The following CTAG2 variants were observed in gnomAD, a reference collection of about 807,000 sequenced individuals.
The protein encoded by CTAG2 is cancer/testis antigen 2, also known as CTL-recognized antigen on melanoma.
CTAG2 carries 5 observed loss-of-function variants against 5.7 expected under a neutral mutation model. That is an observed-to-expected ratio of 0.88 (90% CI 0.46 to 1.85). CTAG2 has a LOEUF of 1.85. Ranked by LOEUF, CTAG2 falls within the 40% of genes most tolerant of loss-of-function variation. CTAG2 has a pLI of 0.01. For synonymous variants in CTAG2, 63 were observed against 80.9 expected (o/e 0.78, Z 1.19); for missense variants, 151 against 169.9 (o/e 0.89, Z 0.62).
At position 154,652,548 on chromosome X, in the gene CTAG2, C is replaced by G; in HGVS notation, c.353G>C (p.Arg118Pro). Reference protein sequence around the residue: ...ILSRDAAPLPRPGAVLKDFTV... With the variant: ...ILSRDAAPLPPPGAVLKDFTV... ...GAAGTCCTTCAGAACCGCCCCTGGT[C>G]GGGGGAGCGGTGCGGCATCCCGGGA... The change falls in exon 2 of 3, where the codon CGA becomes CCA. Residue 118 changes from arginine (R) to proline (P), a missense_variant. Coordinates refer to ENST00000369585, the MANE Select transcript of CTAG2 (RefSeq NM_172377.5). The G allele has an allele frequency of 3.3e-6, 4 of 1,210,699 alleles. No homozygotes were observed. The highest frequency in any genetic ancestry group is 4.5e-6 in the Non-Finnish European group (4 of 894,954).
rs1218313982 is a variant in CTAG2, at chrX:154,651,993, T to C, written c.*136A>G. The C allele has an allele frequency of 1.4e-5, 15 of 1,086,131 alleles. No homozygotes were observed. The highest frequency in any genetic ancestry group is 1.8e-5 in the Non-Finnish European group (15 of 822,112). The allele number at this position is 1,086,131 out of a possible 1,213,427, so 89.5% of individuals were successfully genotyped here. Reference sequence around the variant, plus strand: ...GACACGGAATCGTAGCTCAGCTTTATTTTCTACAGAAACAAACATGTAAGC... The same window carrying C: ...GACACGGAATCGTAGCTCAGCTTTACTTTCTACAGAAACAAACATGTAAGC... On this transcript the variant is annotated 3_prime_UTR_variant, in exon 3 of 3. Transcript: ENST00000369585.
chrX:154,652,342 G>A (rs1557241365), intron 2 of CTAG2, 75 bp from the exon 3 acceptor site: 1 of 1,211,129 alleles, frequency 8.3e-7, no homozygotes, highest in Non-Finnish European at 1.1e-6. Context: ...CCCTCGGGTG[G>A]CGGCGGGCCT....
chrX:154,652,645 A>AG lies in CTAG2; in HGVS notation c.270-15dup, dbSNP rs2070163599. ...ATCGTGATGTGCCTGGTGGGGACCCAGTTAAGGTGCCATCTCCTAGGATTT... is the reference window on the plus strand; with the variant it reads ...ATCGTGATGTGCCTGGTGGGGACCCAGGTTAAGGTGCCATCTCCTAGGATTT... On this transcript the variant is annotated splice_polypyrimidine_tract_variant and intron_variant, in intron 1 of 2. Coordinates refer to ENST00000369585, the MANE Select transcript of CTAG2 (RefSeq NM_172377.5). 3 of 1,182,546 alleles carry AG rather than the reference A, an allele frequency of 2.5e-6. No homozygotes were observed. The South Asian group carries it at 5.7e-5, about 23-fold the overall frequency.
At position 154,652,623 on chromosome X, in the gene CTAG2, G is replaced by A. The variant is rs782810865; in HGVS notation, c.278C>T (p.Thr93Met). 3.3e-6 allele frequency: 4 copies of A among 1,195,338 alleles called. No individual in the cohort carries two copies. The highest frequency in any genetic ancestry group is 2.2e-5 in the Admixed American group (1 of 45,132). ...TTCCATGGGCGACGAGAAAGGCATCGTGATGTGCCTGGTGGGGACCCAGTT... is the reference window on the plus strand; with the variant it reads ...TTCCATGGGCGACGAGAAAGGCATCATGATGTGCCTGGTGGGGACCCAGTT... Reference protein sequence around the residue: ...PDSRLLELHITMPFSSPMEAE... With the variant: ...PDSRLLELHIMMPFSSPMEAE... Residue 93 changes from threonine to methionine, a missense_variant, in exon 2 of 3, where the codon ACG (threonine) becomes ATG (methionine). Thr to Met is a moderately conservative substitution (Grantham distance 81). Transcript: ENST00000369585.
rs373930569 is a variant in CTAG2, at chrX:154,653,447, A to G, written c.69T>C (p.Ile23=). 41 of 1,126,402 alleles carry G rather than the reference A, an allele frequency of 3.6e-5. 1 individual carries two copies. In the South Asian group the frequency reaches 5.9e-4, roughly 16 times the overall value. The allele number at this position is 1,126,402 out of a possible 1,213,427, so 92.8% of individuals were successfully genotyped here. Residue 23 remains isoleucine, a synonymous_variant, in exon 1 of 3, where the codon ATT becomes ATC. Transcript: ENST00000369585. ...GDADGPGGPG[I]PDGPGGNAGG... ...CAGCATTGCCCCCTGGGCCATCAGG[A>G]ATGCCAGGGCCTCCTGGGCCATCAG...
Position 154,652,549 on chromosome X carries a change from G to A in CTAG2, c.352C>T (p.Arg118Ter), listed in dbSNP as rs781836601. ...ILSRDAAPLP[R>*]PGAVLKDFTV... ...AAGTCCTTCAGAACCGCCCCTGGTC[G>A]GGGGAGCGGTGCGGCATCCCGGGAC... The change falls in exon 2 of 3, where the codon CGA (arginine) becomes TGA (stop). Residue 118 changes from arginine (R) to a stop codon, truncating the protein, a stop_gained. Coordinates refer to ENST00000369585, the MANE Select transcript of CTAG2 (RefSeq NM_172377.5). LOFTEE classifies it high-confidence loss of function. The A allele has an allele frequency of 4.1e-6, 5 of 1,208,667 alleles. No individual in the cohort carries two copies. Among genetic ancestry groups the A allele is most frequent in the African/African-American group, 3.5e-5 (2 of 57,076 alleles).
intron 1 of CTAG2, among the ~76,000 whole-genome samples, 176 bp downstream of exon 1, chrX:154,653,071 C>T (rs1391667484): frequency 2.6e-5 from 2 of 77,406 alleles, no homozygotes; most frequent in African/African-American, 9.6e-5. Context: ...CAACTCCCAG[C>T]CCCCACCCCC....
rs1256653959 is a variant in CTAG2 at position 154,653,282 on chromosome X, G to C, written c.234C>G (p.Cys78Trp). 6 of 1,208,631 alleles carry C rather than the reference G, an allele frequency of 5.0e-6. No individual in the cohort carries two copies. Among genetic ancestry groups the C allele is most frequent in the East Asian group, 3.0e-5 (1 of 33,673 alleles). ...GGCGGCTGTCCGGCCTCCTGGCCCC[G>C]CAGGGGCACCTTCCATCCTGCGCAG... is the stretch of plus-strand genomic sequence containing the variant. ...AASAQDGRCP[C>W]GARRPDSRLL... is the part of the protein sequence containing the mutation. Residue 78 changes from cysteine (C) to tryptophan (W), a missense_variant, in exon 1 of 3, where the codon TGC (cysteine) becomes TGG (tryptophan). Around this residue, in one of 2 missense-constraint regions of CTAG2, gnomAD observed 147 missense variants for 151.0 expected, o/e 0.97. Transcript: ENST00000369585.
rs113459988 is a variant in CTAG2, at chrX:154,652,360, C to G, written c.405-93G>C. On this transcript the variant is annotated intron_variant, in intron 2 of 2. Coordinates refer to ENST00000369585, the MANE Select transcript of CTAG2 (RefSeq NM_172377.5). ...TCGGGTGGCGGCGGGCCTGGTGTAC[C>G]AGGTCTCTGTTCTGAGACCTTGTGT... The G allele has an allele frequency of 4.1e-3, 4,937 of 1,209,512 alleles. 133 individuals carry two copies. In the African/African-American group the frequency reaches 0.072, roughly 18 times the overall value.
intron 1 of CTAG2, 98 bp downstream of exon 1, chrX:154,653,149 C>T: frequency 6.4e-6 from 7 of 1,086,084 alleles, no homozygotes; most frequent in Non-Finnish European, 7.3e-6. Context: ...CCCTCACCCA[C>T]CTCCTGGCCC....
rs375675679 is a variant in CTAG2, at chrX:154,651,987, G to T, written c.*142C>A. On this transcript the variant is annotated 3_prime_UTR_variant, in exon 3 of 3. Transcript: ENST00000369585. ...GACTCAGACACGGAATCGTAGCTCA[G>T]CTTTATTTTCTACAGAAACAAACAT... is the stretch of plus-strand genomic sequence containing the variant. 150 of 1,077,758 alleles carry T rather than the reference G, an allele frequency of 1.4e-4. 1 individual carries two copies. In the African/African-American group the frequency reaches 2.8e-3, roughly 20 times the overall value. 88.8% of individuals were successfully genotyped at this position (1,077,758 alleles called of 1,213,427 possible).
At position 154,652,595 on chromosome X, in the gene CTAG2, C is replaced by T. The variant is rs1557241544; in HGVS notation, c.306G>A (p.Ala102=). Residue 102 remains alanine, a synonymous_variant, in exon 2 of 3, where the codon GCG becomes GCA. Coordinates refer to ENST00000369585, the MANE Select transcript of CTAG2 (RefSeq NM_172377.5). ...GGGACAGGATCCTGCGGACCAGCTC[C>T]GCTTCCATGGGCGACGAGAAAGGCA... is the stretch of plus-strand genomic sequence containing the variant. The part of the protein sequence containing the change: ...ITMPFSSPME[A]ELVRRILSRD... 2.5e-6 allele frequency: 3 copies of T among 1,203,261 alleles called. No homozygotes were observed. The highest frequency in any genetic ancestry group is 1.8e-5 in the African/African-American group (1 of 56,948).
Position 154,653,243 on chromosome X carries a change from A to C in CTAG2, c.269+4T>G. On this transcript the variant is annotated splice_donor_region_variant and intron_variant, in intron 1 of 2. Coordinates refer to ENST00000369585, the MANE Select transcript of CTAG2 (RefSeq NM_172377.5). Reference sequence around the variant, plus strand: ...ACCTCCTAGAACAGAACAGAACAGGATACAACTCAAGCAGGCGGCTGTCCG... The same window carrying C: ...ACCTCCTAGAACAGAACAGAACAGGCTACAACTCAAGCAGGCGGCTGTCCG... The C allele has an allele frequency of 4.1e-6, 5 of 1,207,320 alleles. No individual in the cohort carries two copies. Among genetic ancestry groups the C allele is most frequent in the Non-Finnish European group, 5.6e-6 (5 of 893,746 alleles).
At position 154,653,242 on chromosome X, in the gene CTAG2, GAT is replaced by G; in HGVS notation, c.269+3_269+4del. 3 of 1,207,499 alleles carry G rather than the reference GAT, an allele frequency of 2.5e-6. No homozygotes were observed. The highest frequency in any genetic ancestry group is 3.4e-6 in the Non-Finnish European group (3 of 893,734). On this transcript the variant is annotated splice_donor_region_variant and intron_variant, in intron 1 of 2. Coordinates refer to ENST00000369585, the MANE Select transcript of CTAG2 (RefSeq NM_172377.5). ...AACCTCCTAGAACAGAACAGAACAG[GAT>G]ACAACTCAAGCAGGCGGCTGTCCGG... is the stretch of plus-strand genomic sequence containing the variant.
At position 154,652,203 on chromosome X, in the gene CTAG2, A is replaced by G. The variant is rs143520716; in HGVS notation, c.469T>C (p.Ser157Pro). ...CACTGCGTGATCCACATCAACAGGG[A>G]AAGCTGCTGGAGACAGGAGCTGATG... The part of the protein sequence containing the change: ...LSISSCLQQL[S>P]LLMWITQCFL... The change falls in exon 3 of 3, where the codon TCC becomes CCC. Residue 157 changes from serine to proline, a missense_variant. Around this residue, in one of 2 missense-constraint regions of CTAG2, gnomAD observed 147 missense variants for 151.0 expected, o/e 0.97. Coordinates refer to ENST00000369585, the MANE Select transcript of CTAG2 (RefSeq NM_172377.5). 1.8e-4 allele frequency: 215 copies of G among 1,208,042 alleles called. No homozygotes were observed. In the African/African-American group the frequency reaches 3.0e-3, roughly 17 times the overall value.
chrX:154,653,065 T>C (rs1324162595), intron 1 of CTAG2, among the ~76,000 whole-genome samples, 182 bp downstream of exon 1: 67 of 55,130 alleles, frequency 1.2e-3, no homozygotes, highest in African/African-American at 5.2e-3. Context: ...GACCTCCAAC[T>C]CCCAGCCCCC....
Position 154,652,077 on chromosome X carries a change from G to A in CTAG2, c.*52C>T. 1 of 1,195,387 alleles carries A rather than the reference G, an allele frequency of 8.4e-7. No homozygotes were observed. The highest frequency in any genetic ancestry group is 1.1e-6 in the Non-Finnish European group (1 of 887,366). ...ACAATGAACTGGCCACTCGTGCTGG[G>A]ACCATTCCCTAGGGGAGGAGGCATG... On this transcript the variant is annotated 3_prime_UTR_variant, in exon 3 of 3. Transcript: ENST00000369585.
chrX:154,653,117 CCACCTTCCG>C (rs1252530589), intron 1 of CTAG2, 121 bp downstream of exon 1: 5 of 608,393 alleles, frequency 8.2e-6, no homozygotes, highest in Admixed American at 1.0e-4. Context: ...CTCCCAAACC[CCACCTTCCG>C]CACCTGGCCC....
rs2070154124 is a variant in CTAG2 at position 154,652,059 on chromosome X, A to T, written c.*70T>A. On this transcript the variant is annotated 3_prime_UTR_variant, in exon 3 of 3. Coordinates refer to ENST00000369585, the MANE Select transcript of CTAG2 (RefSeq NM_172377.5). ...ACAAACAATCAGGCCCCCACAATGA[A>T]CTGGCCACTCGTGCTGGGACCATTC... 1 of 1,160,600 alleles carries T rather than the reference A, an allele frequency of 8.6e-7. No individual in the cohort carries two copies. Among genetic ancestry groups the T allele is most frequent in the Non-Finnish European group, 1.2e-6 (1 of 866,992 alleles).
Sources: gnomAD v4.1 joint callset for allele counts (sites outside exome capture counted in the v4.1 genomes callset) on GRCh38, gnomAD v4.1.1 for gene constraint, gnomAD v4.1.1 regional missense constraint, MANE v1.5 for transcripts, NCBI Gene and HGNC (gene_info 2026-07-23, HGNC 2026-07-21) for gene names.